The following PRKN variants were observed in gnomAD, a reference collection of about 807,000 sequenced individuals.
PRKN encodes E3 ubiquitin-protein ligase parkin.
PRKN carries 56 observed loss-of-function variants against 59.5 expected under a neutral mutation model. That is an observed-to-expected ratio of 0.94 (90% CI 0.76 to 1.18). PRKN has a LOEUF of 1.18. PRKN is among the 50% of genes most tolerant of loss of function. The pLI is 0.00. For missense variants in PRKN, 657 were observed against 596.4 expected, an observed-to-expected ratio of 1.10 and a Z score of -1.06; for synonymous variants, 250 against 222.1, an observed-to-expected ratio of 1.13 and a Z score of -1.12.
intron 1 of PRKN, among the ~76,000 whole-genome samples, chr6:162,722,322 TG>T (rs1217516717): frequency 6.6e-6 from 1 of 152,194 alleles, no homozygotes; most frequent in Admixed American, 6.5e-5. Context: ...AGGAAATTAC[TG>T]GGGGAAAAGA....
intron 7 of PRKN, among the ~76,000 whole-genome samples, chr6:161,673,154 C>T (rs747568689): frequency 2.6e-5 from 4 of 152,084 alleles, no homozygotes; most frequent in Non-Finnish European, 4.4e-5. Context: ...GAGAGTGAAT[C>T]GTAGGGAGAT....
At chr6:161,733,441 C>T (rs1433905284) in intron 7 of PRKN, among the ~76,000 whole-genome samples, 2 of 152,088 alleles carry the variant, frequency 1.3e-5, no homozygotes, top group East Asian at 1.9e-4. Flanking sequence ...TCTTCAGATA[C>T]GAAAGGCAAC....
chr6:162,530,650 T>C (rs897288062), intron 1 of PRKN, among the ~76,000 whole-genome samples: 1 of 144,244 alleles, frequency 6.9e-6, no homozygotes, highest in East Asian at 1.9e-4. Context: ...GGAAAGCGTC[T>C]TATGAAGTCC....
chr6:162,587,612 T>C (rs1198551968), intron 1 of PRKN, among the ~76,000 whole-genome samples: 2 of 152,150 alleles, frequency 1.3e-5, no homozygotes. Context: ...ATAATAGTCA[T>C]AATGAAAATA....
chr6:162,005,330 A>G (rs1275814976), intron 5 of PRKN, among the ~76,000 whole-genome samples: 3 of 152,210 alleles, frequency 2.0e-5, no homozygotes, highest in Non-Finnish European at 2.9e-5. Context: ...GAATTTTGTA[A>G]GAAATATGTC....
intron 1 of PRKN, among the ~76,000 whole-genome samples, chr6:162,718,214 A>G (rs1012052112): frequency 1.3e-5 from 2 of 152,022 alleles, no homozygotes; most frequent in Non-Finnish European, 2.9e-5. Context: ...AAATCTTATT[A>G]CTTCTAGGAA....
chr6:161,594,538 C>T (rs1781845366), intron 7 of PRKN, among the ~76,000 whole-genome samples: 2 of 152,160 alleles, frequency 1.3e-5, no homozygotes, highest in South Asian at 2.1e-4. Context: ...TATATTTTCT[C>T]TCAGATTTTT....
chr6:162,504,907 G>A (rs1055491713), intron 1 of PRKN, among the ~76,000 whole-genome samples: 57 of 152,142 alleles, frequency 3.7e-4, no homozygotes, highest in African/African-American at 1.3e-3. Flanking sequence ...GCACAGAGGA[G>A]GTAACCTGAA....
intron 9 of PRKN, among the ~76,000 whole-genome samples, chr6:161,464,355 G>C (rs1456904260): frequency 6.6e-6 from 1 of 152,186 alleles, no homozygotes; most frequent in East Asian, 1.9e-4. Flanking sequence ...AAAACTGATG[G>C]AGTTGGCCAA....
At chr6:162,389,311 G>A (rs1387747802) in intron 2 of PRKN, among the ~76,000 whole-genome samples, 1 of 152,000 alleles carries the variant, frequency 6.6e-6, no homozygotes, top group East Asian at 1.9e-4. Flanking sequence ...GTGGGTGCAG[G>A]TGATGAGCAA....
At chr6:161,999,224 A>G (rs1254923023) in intron 5 of PRKN, among the ~76,000 whole-genome samples, 1 of 152,100 alleles carries the variant, frequency 6.6e-6, no homozygotes, top group Admixed American at 6.6e-5. Context: ...ATCAGTGTCA[A>G]CTGCTTAGAG....
intron 6 of PRKN, among the ~76,000 whole-genome samples, chr6:161,835,789 A>G (rs115705674): frequency 0.027 from 4,098 of 152,252 alleles, 175 homozygotes; most frequent in African/African-American, 0.083. Context: ...TTTCCCGGGC[A>G]TGGGTGACCC....
At chr6:162,277,899 AT>A (rs1426600623) in intron 2 of PRKN, among the ~76,000 whole-genome samples, 2 of 152,204 alleles carry the variant, frequency 1.3e-5, no homozygotes, top group African/African-American at 4.8e-5. Context: ...TAACCACACA[AT>A]GCAGCAATAC....
intron 4 of PRKN, among the ~76,000 whole-genome samples, chr6:162,192,960 G>A (rs960295302): frequency 6.6e-6 from 1 of 152,078 alleles, no homozygotes; most frequent in African/African-American, 2.4e-5. Flanking sequence ...TACACTTGGG[G>A]AACTTGCGTC....
chr6:162,238,373 G>GT (rs1370178205), intron 3 of PRKN, among the ~76,000 whole-genome samples: 22 of 152,260 alleles, frequency 1.4e-4, no homozygotes, highest in African/African-American at 4.8e-4. Flanking sequence ...TATACTCTAT[G>GT]TTGTTTGCAC....
chr6:161,834,779 G>T (rs908619531), intron 6 of PRKN, among the ~76,000 whole-genome samples: 1 of 152,218 alleles, frequency 6.6e-6, no homozygotes, highest in Non-Finnish European at 1.5e-5. Context: ...GGCTCTCAGG[G>T]TGGCTGCGAT....
chr6:161,806,568 G>C (rs1213783285), intron 6 of PRKN, among the ~76,000 whole-genome samples: 1 of 152,178 alleles, frequency 6.6e-6, no homozygotes, highest in Non-Finnish European at 1.5e-5. Flanking sequence ...CCCTCGAGGA[G>C]GCTGGAGAAG....
intron 1 of PRKN, among the ~76,000 whole-genome samples, chr6:162,552,678 G>A (rs534146861): frequency 1.3e-4 from 20 of 152,186 alleles, no homozygotes; most frequent in African/African-American, 4.1e-4. Context: ...TAAATGAGAC[G>A]GGAGTGCTGA....
chr6:162,126,477 A>T (rs1184797876), intron 4 of PRKN, among the ~76,000 whole-genome samples: 1 of 152,366 alleles, frequency 6.6e-6, no homozygotes, highest in African/African-American at 2.4e-5. Context: ...GGAAAAGGTC[A>T]AATTATGTGG....
Sources: gnomAD v4.1 joint callset for allele counts (sites outside exome capture counted in the v4.1 genomes callset) on GRCh38, gnomAD v4.1.1 for gene constraint, MANE v1.5 for transcripts, NCBI Gene and HGNC (gene_info 2026-07-23, HGNC 2026-07-21) for gene names.